Variants in ERC2 observed in about 807,000 individuals in gnomAD.
ERC2 encodes ERC protein 2.
ERC2 carries 42 observed loss-of-function variants against 114.8 expected under a neutral mutation model. The observed-to-expected ratio is 0.37, with a 90% CI of 0.29 to 0.47. The LOEUF (loss-of-function observed/expected upper bound fraction) is 0.47, where lower values mean the gene tolerates loss of function less well. Among genes scored for constraint, ERC2 ranks in the 20% least tolerant of loss-of-function variants. The pLI is 0.99. For synonymous variants in ERC2, 454 were observed against 425.5 expected (o/e 1.07, Z -0.82); for missense variants, 939 against 1,150.7 (o/e 0.82, Z 2.66).
At chr3:55,651,439 G>A (rs2060617927) in intron 17 of ERC2, among the ~76,000 whole-genome samples, 1 of 152,162 alleles carries the variant, frequency 6.6e-6, no homozygotes, top group South Asian at 2.1e-4. Flanking sequence ...TTCCCCAAGA[G>A]AAACATCATC....
intron 16 of ERC2, 121 bp from the exon 17 acceptor site, chr3:55,683,980 A>G: frequency 9.1e-7 from 1 of 1,098,916 alleles, no homozygotes; most frequent in Non-Finnish European, 1.3e-6. Context: ...TTTGTTTTTT[A>G]ATCTTCAAGA....
chr3:56,217,828 A>G (rs571759041), intron 3 of ERC2, among the ~76,000 whole-genome samples: 1 of 152,190 alleles, frequency 6.6e-6, no homozygotes, highest in Non-Finnish European at 1.5e-5. Context: ...CCTCAGAAAT[A>G]ATGCCACGTA....
intron 4 of ERC2, among the ~76,000 whole-genome samples, chr3:56,167,124 A>G (rs1229576997): frequency 6.6e-6 from 1 of 152,088 alleles, no homozygotes; most frequent in Non-Finnish European, 1.5e-5. Context: ...CTTTCTCCAA[A>G]TGCTACCTTC....
chr3:56,323,654 A>G (rs2057227367), intron 2 of ERC2, among the ~76,000 whole-genome samples: 1 of 152,204 alleles, frequency 6.6e-6, no homozygotes, highest in Non-Finnish European at 1.5e-5. Flanking sequence ...CTGATAAACA[A>G]GATGTCAAAA....
At chr3:55,940,539 T>C (rs2066722570) in intron 13 of ERC2, among the ~76,000 whole-genome samples, 1 of 152,178 alleles carries the variant, frequency 6.6e-6, no homozygotes, top group African/African-American at 2.4e-5. Flanking sequence ...AGCAGCCCAG[T>C]AATGCATGTT....
At chr3:56,413,928 G>A (rs1189779030) in intron 2 of ERC2, among the ~76,000 whole-genome samples, 2 of 152,172 alleles carry the variant, frequency 1.3e-5, no homozygotes, top group Admixed American at 6.5e-5. Context: ...GCCCTTGTCT[G>A]ATCACTTCTA....
At chr3:55,692,160 A>G (rs1008393754) in intron 16 of ERC2, among the ~76,000 whole-genome samples, 12 of 152,176 alleles carry the variant, frequency 7.9e-5, no homozygotes, top group Non-Finnish European at 1.6e-4. Flanking sequence ...CACATTGACT[A>G]ATCTGTTGGT....
At chr3:55,568,845 T>C (rs1321347391) in intron 17 of ERC2, among the ~76,000 whole-genome samples, 1 of 152,200 alleles carries the variant, frequency 6.6e-6, no homozygotes, top group Non-Finnish European at 1.5e-5. Context: ...CTACACAGTC[T>C]GACCTGCTCC....
chr3:55,818,985 G>T (rs926570076), intron 14 of ERC2, among the ~76,000 whole-genome samples: 6 of 152,218 alleles, frequency 3.9e-5, no homozygotes, highest in Non-Finnish European at 7.3e-5. Flanking sequence ...TACCTTGCAA[G>T]ATTGGCTGGC....
At chr3:55,609,650 T>G (rs1333831159) in intron 17 of ERC2, among the ~76,000 whole-genome samples, 1 of 151,908 alleles carries the variant, frequency 6.6e-6, no homozygotes, top group Non-Finnish European at 1.5e-5. Context: ...TTGGGTAGGC[T>G]CCATTTCGAG....
intron 17 of ERC2, among the ~76,000 whole-genome samples, chr3:55,588,630 G>A (rs2057715629): frequency 6.6e-6 from 1 of 152,180 alleles, no homozygotes; most frequent in South Asian, 2.1e-4. Context: ...GCACCTCTGT[G>A]TTAGTTACCT....
intron 14 of ERC2, among the ~76,000 whole-genome samples, chr3:55,878,207 C>G (rs2062954323): frequency 6.6e-6 from 1 of 152,172 alleles, no homozygotes; most frequent in Non-Finnish European, 1.5e-5. Flanking sequence ...CTATACTTCT[C>G]TAGCTCAGAA....
intron 4 of ERC2, among the ~76,000 whole-genome samples, chr3:56,157,731 C>G (rs1362318517): frequency 1.3e-5 from 2 of 151,508 alleles, no homozygotes; most frequent in Non-Finnish European, 2.9e-5. Context: ...CTACATTCAA[C>G]CAGTTTGTCT....
Position 56,148,997 on chromosome 3 carries a change from A to C in ERC2, c.1285T>G (p.Ser429Ala). The change falls in exon 5 of 18, where the codon TCC becomes GCC. Residue 429 changes from serine (S) to alanine (A), a missense_variant. By Grantham distance (99) the Ser-to-Ala change is moderately conservative. Coordinates refer to ENST00000288221, the MANE Select transcript of ERC2 (RefSeq NM_015576.3). ...IKQIEVYKSHSKFMKTKIDQL... is the reference protein window; with the variant it reads ...IKQIEVYKSHAKFMKTKIDQL... ...CGTACCTTGGTCTTCATAAACTTGG[A>C]GTGACTTTTGTAAACCTCAATTTGT... 2 of 1,613,372 alleles carry C rather than the reference A, an allele frequency of 1.2e-6. No homozygotes were observed. The highest frequency in any genetic ancestry group is 1.7e-6 in the Non-Finnish European group (2 of 1,179,540).
intron 13 of ERC2, among the ~76,000 whole-genome samples, chr3:55,921,171 G>A (rs1054321408): frequency 2.0e-5 from 3 of 152,068 alleles, no homozygotes; most frequent in Non-Finnish European, 2.9e-5. Context: ...GGGATTAGCG[G>A]CTTCAATTGA....
chr3:56,160,718 C>T (rs1221494779), intron 4 of ERC2, among the ~76,000 whole-genome samples: 1 of 152,090 alleles, frequency 6.6e-6, no homozygotes, highest in Non-Finnish European at 1.5e-5. Flanking sequence ...TATCCCAGCA[C>T]CATTTATTAA....
At chr3:55,751,136 C>G (rs1173077687) in intron 14 of ERC2, among the ~76,000 whole-genome samples, 1 of 152,216 alleles carries the variant, frequency 6.6e-6, no homozygotes, top group Admixed American at 6.5e-5. Context: ...CTCTTCTGTT[C>G]TGCATAGGTA....
At chr3:56,061,553 GA>G (rs1308261451) in intron 7 of ERC2, among the ~76,000 whole-genome samples, 1 of 151,986 alleles carries the variant, frequency 6.6e-6, no homozygotes, top group Non-Finnish European at 1.5e-5. Flanking sequence ...ATTATTCAAA[GA>G]AAAAAATATT....
chr3:56,424,729 G>A (rs1455248074), intron 2 of ERC2, among the ~76,000 whole-genome samples: 1 of 152,138 alleles, frequency 6.6e-6, no homozygotes, highest in East Asian at 1.9e-4. Context: ...CCAGCTCTCT[G>A]GAAAAGTAGA....
Sources: gnomAD v4.1 joint callset for allele counts (sites outside exome capture counted in the v4.1 genomes callset) on GRCh38, gnomAD v4.1.1 for gene constraint, MANE v1.5 for transcripts, NCBI Gene and HGNC (gene_info 2026-07-23, HGNC 2026-07-21) for gene names.